Variants in FRMD4B observed in about 807,000 individuals in gnomAD.
FRMD4B encodes FERM domain containing 4B.
In FRMD4B, 74 loss-of-function variants were observed where a neutral mutation model predicts 141.5. The ratio of observed to expected loss-of-function variants is 0.52; its 90% CI spans 0.43 to 0.63. The LOEUF is 0.63. Among genes scored for constraint, FRMD4B ranks in the 30% least tolerant of loss-of-function variants. FRMD4B has a pLI of 0.00. For synonymous variants in FRMD4B, 506 were observed against 467.9 expected (o/e 1.08, Z -1.05); for missense variants, 1,366 against 1,253.4 (o/e 1.09, Z -1.36).
intron 5 of FRMD4B, among the ~76,000 whole-genome samples, chr3:69,284,024 C>T (rs2093656279): frequency 1.3e-5 from 2 of 150,264 alleles, no homozygotes; most frequent in South Asian, 4.2e-4. Context: ...GTTTTCATAA[C>T]ACTGAATATC....
At chr3:69,368,385 G>T (rs1703728029) in intron 1 of FRMD4B, among the ~76,000 whole-genome samples, 1 of 152,174 alleles carries the variant, frequency 6.6e-6, no homozygotes, top group Admixed American at 6.5e-5. Context: ...ACATCTATTA[G>T]AACAGACTGA....
At chr3:69,482,142 A>T (rs1378692292) in intron 1 of FRMD4B, among the ~76,000 whole-genome samples, 1 of 152,226 alleles carries the variant, frequency 6.6e-6, no homozygotes, top group Non-Finnish European at 1.5e-5. Context: ...AGCTTTGCTC[A>T]TGCAAAAGTT....
chr3:69,247,318 G>T (rs975231483), intron 7 of FRMD4B, among the ~76,000 whole-genome samples: 1 of 152,114 alleles, frequency 6.6e-6, no homozygotes, highest in Admixed American at 6.6e-5. Flanking sequence ...GCAATCCATT[G>T]AGTGTGAGCT....
chr3:69,228,407 C>A, intron 7 of FRMD4B: 1 of 456,994 alleles, frequency 2.2e-6, no homozygotes, highest in Non-Finnish European at 4.4e-6. Flanking sequence ...AAATGTAAGT[C>A]AAACTCACCA....
intron 7 of FRMD4B, among the ~76,000 whole-genome samples, chr3:69,235,173 AT>A (rs1464506655): frequency 1.4e-4 from 21 of 145,288 alleles, no homozygotes; most frequent in East Asian, 7.9e-4. Context: ...AATAATAATA[AT>A]AATAATAATA....
At chr3:69,441,676 CAGCTGTTCAGTGAATATG>C (rs1290298663) in intron 1 of FRMD4B, among the ~76,000 whole-genome samples, 1 of 152,202 alleles carries the variant, frequency 6.6e-6, no homozygotes, top group Non-Finnish European at 1.5e-5. Context: ...TGGCACATGG[CAGCTGTTCAGTGAATATG>C]AGCTGAATGG....
chr3:69,436,700 T>A (rs1705266306), intron 1 of FRMD4B, among the ~76,000 whole-genome samples: 1 of 152,202 alleles, frequency 6.6e-6, no homozygotes, highest in Non-Finnish European at 1.5e-5. Flanking sequence ...CAAATGTCCA[T>A]CAGCAGATTA....
intron 5 of FRMD4B, among the ~76,000 whole-genome samples, chr3:69,278,221 A>G (rs1288044227): frequency 6.6e-6 from 1 of 152,222 alleles, no homozygotes; most frequent in African/African-American, 2.4e-5. Context: ...AGAATTTCAC[A>G]TACAGATAAG....
At chr3:69,522,133 A>C (rs1196437824) in intron 1 of FRMD4B, among the ~76,000 whole-genome samples, 1 of 151,988 alleles carries the variant, frequency 6.6e-6, no homozygotes, top group Non-Finnish European at 1.5e-5. Context: ...CATTTTAGAC[A>C]TCTACCCATA....
rs756860865 is a variant in FRMD4B at position 69,196,328 on chromosome 3, C to G, written c.1161G>C (p.Arg387Ser). ...TCTCCAGTGTCACCAGCTTGGAGGC[C>G]CTTTGTGTTCCTGTCTCTGTCAAAT... ...AMDLTETGTQ[R>S]ASKLVTLETK... The change falls in exon 14 of 23, where the codon AGG becomes AGC. Residue 387 changes from arginine to serine, a missense_variant. Transcript: ENST00000398540. The G allele has an allele frequency of 1.9e-6, 3 of 1,609,166 alleles. No homozygotes were observed. Among genetic ancestry groups the G allele is most frequent in the South Asian group, 1.1e-5 (1 of 90,530 alleles).
Position 69,170,498 on chromosome 3 carries a change from G to A in FRMD4B, c.*1363C>T, listed in dbSNP as rs2092575151. The A allele has an allele frequency of 6.6e-6, 1 of 151,476 alleles. No individual in the cohort carries two copies. The highest frequency in any genetic ancestry group is 1.5e-5 in the Non-Finnish European group (1 of 67,908). 9.4% of individuals were successfully genotyped at this position (151,476 alleles called of 1,614,324 possible). A position where few individuals can be genotyped will look rare whatever the true frequency, so the allele number is the denominator to read the frequency against. ...GACCAGTTTAACAAATCGTTTTTAT[G>A]TATATATTACATGCTTTGGAATATA... On this transcript the variant is annotated 3_prime_UTR_variant, in exon 23 of 23. Transcript: ENST00000398540.
chr3:69,177,905 A>G (rs2092665527), intron 21 of FRMD4B, among the ~76,000 whole-genome samples: 3 of 152,160 alleles, frequency 2.0e-5, no homozygotes, highest in African/African-American at 7.2e-5. Flanking sequence ...TCTTAAAAAA[A>G]AGTGTGTATG....
At chr3:69,473,546 C>A (rs1051592277) in intron 1 of FRMD4B, among the ~76,000 whole-genome samples, 4 of 152,066 alleles carry the variant, frequency 2.6e-5, no homozygotes, top group Admixed American at 2.0e-4. Flanking sequence ...TGCATTTGAC[C>A]CTAATTTACC....
intron 7 of FRMD4B, among the ~76,000 whole-genome samples, chr3:69,248,282 G>A (rs983090849): frequency 1.2e-4 from 18 of 151,934 alleles, no homozygotes; most frequent in Middle Eastern, 6.8e-3. Context: ...TATAGAGAGA[G>A]CACAAAACAG....
intron 1 of FRMD4B, among the ~76,000 whole-genome samples, chr3:69,481,665 T>A (rs1257007736): frequency 6.6e-6 from 1 of 152,164 alleles, no homozygotes; most frequent in Non-Finnish European, 1.5e-5. Context: ...ACTTTTCCTA[T>A]AAGGAGGAAA....
Position 69,302,393 on chromosome 3 carries a change from G to A in FRMD4B, c.366C>T (p.Asp122=). The A allele has an allele frequency of 6.2e-7, 1 of 1,609,310 alleles. No homozygotes were observed. The highest frequency in any genetic ancestry group is 1.7e-4 in the Middle Eastern group (1 of 6,058). Residue 122 remains aspartate (D), a synonymous_variant, in exon 4 of 23, where the codon GAC becomes GAT. Transcript: ENST00000398540. ...GGCCTGGTTTCTTGGGCAAATCGTGGTCAAGAACTCGGTGATCTAACTGCA... is the reference window on the plus strand; with the variant it reads ...GGCCTGGTTTCTTGGGCAAATCGTGATCAAGAACTCGGTGATCTAACTGCA... ...NWLQLDHRVL[D]HDLPKKPGPT... is the part of the protein sequence containing the mutation.
intron 1 of FRMD4B, among the ~76,000 whole-genome samples, chr3:69,383,694 G>C (rs2106693683): frequency 6.6e-6 from 1 of 152,234 alleles, no homozygotes; most frequent in South Asian, 2.1e-4. Flanking sequence ...TGAGCAGAGA[G>C]AACCACAGGT....
chr3:69,410,440 G>A (rs1203148566), intron 2 of FRMD4B, among the ~76,000 whole-genome samples: 10 of 151,986 alleles, frequency 6.6e-5, no homozygotes, highest in African/African-American at 7.3e-5. Context: ...GTGCATGAGC[G>A]AGTGTGAATA....
At chr3:69,466,276 A>C (rs1456552071) in intron 1 of FRMD4B, among the ~76,000 whole-genome samples, 2 of 152,008 alleles carry the variant, frequency 1.3e-5, no homozygotes, top group African/African-American at 4.8e-5. Context: ...AGTTCTTTGT[A>C]GATTCTGGAA....
Sources: gnomAD v4.1 joint callset for allele counts (sites outside exome capture counted in the v4.1 genomes callset) on GRCh38, gnomAD v4.1.1 for gene constraint, MANE v1.5 for transcripts, NCBI Gene and HGNC (gene_info 2026-07-23, HGNC 2026-07-21) for gene names.